Variants in SMYD3 observed in about 807,000 individuals in gnomAD.
SMYD3 encodes the protein SET and MYND domain containing 3, also known as histone-lysine N-methyltransferase SMYD3.
A neutral mutation model predicts 57.7 loss-of-function variants in SMYD3; 36 were observed. The observed-to-expected ratio is 0.62, with a 90% CI of 0.48 to 0.82. SMYD3 has a LOEUF of 0.82. Among genes scored for constraint, SMYD3 ranks in the 40% least tolerant of loss-of-function variants. SMYD3 has a pLI of 0.00. For missense variants in SMYD3, 515 were observed against 538.8 expected (o/e 0.96, Z 0.44); for synonymous variants, 211 against 195.0 (o/e 1.08, Z -0.68).
At chr1:246,171,579 G>A (rs1236187790) in intron 5 of SMYD3, among the ~76,000 whole-genome samples, 155 of 152,268 alleles carry the variant, frequency 1.0e-3, no homozygotes, top group Admixed American at 0.01. Flanking sequence ...ACACACCTGG[G>A]CTACATGATA....
chr1:245,806,184 C>G (rs891602045), intron 10 of SMYD3, among the ~76,000 whole-genome samples: 1 of 152,146 alleles, frequency 6.6e-6, no homozygotes, highest in Non-Finnish European at 1.5e-5. Flanking sequence ...GAATTCCAGT[C>G]TGTTAGGAAA....
intron 3 of SMYD3, 63 bp from the exon 4 acceptor site, chr1:246,330,600 A>C: frequency 7.1e-7 from 1 of 1,402,688 alleles, no homozygotes; most frequent in Non-Finnish European, 9.7e-7. Flanking sequence ...TAAACAAATA[A>C]GTTTGAGTAC....
chr1:245,919,625 T>G (rs1032569215), intron 7 of SMYD3, among the ~76,000 whole-genome samples: 1 of 152,212 alleles, frequency 6.6e-6, no homozygotes, highest in African/African-American at 2.4e-5. Context: ...AACAGCCAGA[T>G]TACTAACTGG....
rs185407538 is a variant in SMYD3 at position 246,180,839 on chromosome 1, A to G, written c.531+146362T>C. Among the ~76,000 whole-genome samples the G allele has an allele frequency of 4.4e-4, 66 of 149,494 alleles. 1 individual carries two copies. In the South Asian group the frequency reaches 8.2e-3, roughly 19 times the overall value. On this transcript the variant is annotated intron_variant, in intron 5 of 11. Transcript: ENST00000490107. ...AAGAGAATGGGTAATCACTATACCT[A>G]GTTTCCAGCAAGAGATTCCTCCCTT...
chr1:246,235,651 C>T (rs546446682), intron 5 of SMYD3, among the ~76,000 whole-genome samples: 3 of 152,148 alleles, frequency 2.0e-5, no homozygotes, highest in Admixed American at 6.6e-5. Context: ...CGCAGCATTC[C>T]GCATGCCCCA....
chr1:246,405,842 A>G (rs1482078883), intron 1 of SMYD3, among the ~76,000 whole-genome samples: 4 of 150,170 alleles, frequency 2.7e-5, no homozygotes, highest in African/African-American at 4.9e-5. Flanking sequence ...CCCAGGAGGC[A>G]GAGCTTGCAG....
At chr1:245,783,393 A>C (rs1387257327) in intron 10 of SMYD3, among the ~76,000 whole-genome samples, 2 of 152,196 alleles carry the variant, frequency 1.3e-5, no homozygotes, top group African/African-American at 2.4e-5. Flanking sequence ...AGATCTGATG[A>C]GGGAATCCAA....
intron 10 of SMYD3, among the ~76,000 whole-genome samples, chr1:245,826,698 C>T (rs1033165504): frequency 6.6e-6 from 1 of 152,196 alleles, no homozygotes; most frequent in African/African-American, 2.4e-5. Flanking sequence ...TTAATTGACT[C>T]ACAGTTCCGC....
rs1358303574 is a variant in SMYD3 at position 246,507,250 on chromosome 1, C to T, written c.-33G>A. Reference sequence around the variant, plus strand: ...CAGCTCCGGCACCTCAGACGGCTACCCGCGTCCAGCAGCGGGCGTCTCACG... The same window carrying T: ...CAGCTCCGGCACCTCAGACGGCTACTCGCGTCCAGCAGCGGGCGTCTCACG... On this transcript the variant is annotated 5_prime_UTR_variant, in exon 1 of 12. Coordinates refer to ENST00000490107, the MANE Select transcript of SMYD3 (RefSeq NM_001167740.2). The T allele has an allele frequency of 1.4e-6, 2 of 1,469,052 alleles. No homozygotes were observed. Among genetic ancestry groups the T allele is most frequent in the Non-Finnish European group, 1.8e-6 (2 of 1,103,538 alleles). The allele number at this position is 1,469,052 out of a possible 1,614,324, so 91.0% of individuals were successfully genotyped here. A position where few individuals can be genotyped will look rare whatever the true frequency, so the allele number is the denominator to read the frequency against.
At chr1:246,252,393 CTGT>C (rs1237512760) in intron 5 of SMYD3, among the ~76,000 whole-genome samples, 1 of 152,202 alleles carries the variant, frequency 6.6e-6, no homozygotes, top group Non-Finnish European at 1.5e-5. Context: ...CAGATAGAAA[CTGT>C]TATTATAACC....
intron 1 of SMYD3, among the ~76,000 whole-genome samples, chr1:246,394,677 G>A (rs1348820736): frequency 2.0e-5 from 3 of 152,130 alleles, no homozygotes; most frequent in Admixed American, 1.3e-4. Flanking sequence ...AGAGCCTCCC[G>A]AACTCAGCTA....
intron 5 of SMYD3, among the ~76,000 whole-genome samples, chr1:246,319,749 T>C (rs2065217331): frequency 6.6e-6 from 1 of 152,196 alleles, no homozygotes. Context: ...AGAGCACCAG[T>C]GTATCCAGAA....
chr1:245,932,347 C>T (rs1432469691), intron 5 of SMYD3, among the ~76,000 whole-genome samples: 1 of 152,156 alleles, frequency 6.6e-6, no homozygotes, highest in African/African-American at 2.4e-5. Context: ...GAAATGTCAG[C>T]TTGCTTGTCT....
At chr1:246,076,687 T>G (rs1204966584) in intron 5 of SMYD3, among the ~76,000 whole-genome samples, 1 of 151,058 alleles carries the variant, frequency 6.6e-6, no homozygotes, top group East Asian at 1.9e-4. Flanking sequence ...GTTTTTTTTT[T>G]CTAGATTAAT....
intron 5 of SMYD3, among the ~76,000 whole-genome samples, chr1:246,146,977 G>C (rs2061853200): frequency 6.6e-6 from 1 of 152,208 alleles, no homozygotes; most frequent in Non-Finnish European, 1.5e-5. Context: ...CCGTTTTCTT[G>C]TTAATCGGCA....
At chr1:246,251,632 G>T (rs867168844) in intron 5 of SMYD3, among the ~76,000 whole-genome samples, 2 of 16,000 alleles carry the variant, frequency 1.3e-4, no homozygotes, top group Admixed American at 6.9e-4. Flanking sequence ...AGTAGGTGCC[G>T]CGGACACTGT....
rs67603439 is a variant in SMYD3, at chr1:246,288,062, C to CTTTTTTTT, written c.531+39131_531+39138dup. 1.7e-3 allele frequency among the ~76,000 whole-genome samples: 106 copies of CTTTTTTTT among 64,208 alleles called. 8 individuals carry two copies. Among genetic ancestry groups the CTTTTTTTT allele is most frequent in the Non-Finnish European group, 2.0e-3 (71 of 35,966 alleles). 42.1% of individuals were successfully genotyped at this position (64,208 alleles called of 152,430 possible). On this transcript the variant is annotated intron_variant, in intron 5 of 11. Coordinates refer to ENST00000490107, the MANE Select transcript of SMYD3 (RefSeq NM_001167740.2). The stretch of plus-strand genomic sequence containing the variant: ...GTTTTTGAAATGCCATCAGGTAATT[C>CTTTTTTTT]TTTTTTTTTTTTTTTTTTTTTTTTT...
intron 5 of SMYD3, among the ~76,000 whole-genome samples, chr1:246,105,850 AT>A (rs1448332341): frequency 7.2e-5 from 11 of 152,334 alleles, no homozygotes; most frequent in African/African-American, 2.6e-4. Context: ...CTATTTTTGC[AT>A]GGCTGCCAAC....
intron 5 of SMYD3, among the ~76,000 whole-genome samples, chr1:246,301,415 G>A (rs2064890218): frequency 1.3e-5 from 2 of 152,092 alleles, no homozygotes; most frequent in Non-Finnish European, 2.9e-5. Flanking sequence ...CCGAAAGGGA[G>A]GTAGTACACT....
Sources: allele counts gnomAD v4.1 joint callset (sites outside exome capture counted in the v4.1 genomes callset), GRCh38; gene constraint gnomAD v4.1.1; transcripts MANE v1.5; gene names NCBI Gene and HGNC (gene_info 2026-07-23, HGNC 2026-07-21).